Variants in HPCAL1 observed in about 807,000 individuals in gnomAD.
HPCAL1 encodes the protein hippocalcin-like protein 1.
Under a neutral mutation model 17.1 loss-of-function variants are expected in HPCAL1, and 8 were observed. The ratio of observed to expected loss-of-function variants is 0.47; its 90% CI spans 0.27 to 0.84. The LOEUF (loss-of-function observed/expected upper bound fraction) is 0.84. Ranked by LOEUF, HPCAL1 falls within the 40% of genes least tolerant of loss-of-function variation. The probability of loss-of-function intolerance (pLI) is 0.13; values close to 1 mark genes in which losing one functional copy is unlikely to be tolerated. For missense variants in HPCAL1, 165 were observed against 271.1 expected (o/e 0.61, Z 2.75); for synonymous variants, 112 against 111.4 (o/e 1.01, Z -0.03).
intron 1 of HPCAL1, among the ~76,000 whole-genome samples, chr2:10,392,767 T>C (rs935677523): frequency 1.2e-4 from 18 of 152,192 alleles, no homozygotes; most frequent in African/African-American, 4.1e-4. Flanking sequence ...AGTCCAGCCA[T>C]GCAGCCCCTG....
chr2:10,415,019 G>A (rs1670573148), intron 2 of HPCAL1, among the ~76,000 whole-genome samples: 1 of 152,244 alleles, frequency 6.6e-6, no homozygotes, highest in Non-Finnish European at 1.5e-5. Context: ...CTGAGCTGAC[G>A]AAGGGATGGG....
rs183375022 is a variant in HPCAL1 at position 10,383,432 on chromosome 2, G to A, written c.-110-13403G>A. On this transcript the variant is annotated intron_variant, in intron 1 of 4. Transcript: ENST00000307845. ...GGCTGGAGTGCAGTGGCACGATCTC[G>A]GCTCACTGCAACCTCCACCTCCCAA... Among the ~76,000 whole-genome samples the A allele has an allele frequency of 1.1e-3, 165 of 152,152 alleles. 1 individual carries two copies. Among genetic ancestry groups the A allele is most frequent in the East Asian group, 5.9e-4 (3 of 5,124 alleles).
intron 2 of HPCAL1, among the ~76,000 whole-genome samples, chr2:10,409,692 C>G (rs564615481): frequency 6.6e-6 from 1 of 151,276 alleles, no homozygotes; most frequent in Non-Finnish European, 1.5e-5. Flanking sequence ...AGAACAAGCT[C>G]TCATCTCAAA....
chr2:10,409,372 C>T (rs900667113), intron 2 of HPCAL1, among the ~76,000 whole-genome samples: 18 of 152,326 alleles, frequency 1.2e-4, no homozygotes, highest in African/African-American at 4.3e-4. Flanking sequence ...GCACCTGGGT[C>T]CTGGCAGCCG....
intron 2 of HPCAL1, among the ~76,000 whole-genome samples, chr2:10,418,078 TGATA>T (rs1381427576): frequency 1.3e-5 from 2 of 151,738 alleles, no homozygotes; most frequent in South Asian, 2.1e-4. Flanking sequence ...ATTGATTGAT[TGATA>T]TAGAGAGGAT....
intron 1 of HPCAL1, among the ~76,000 whole-genome samples, chr2:10,334,998 C>T (rs1005762928): frequency 6.6e-6 from 1 of 152,168 alleles, no homozygotes; most frequent in African/African-American, 2.4e-5. Context: ...AATAAGCCAT[C>T]GTTTCTCTAG....
Position 10,323,974 on chromosome 2 carries a change from A to C in HPCAL1, c.-111+20797A>C, listed in dbSNP as rs760743898. ...ACTTCACCATGCAAAAGCTCTTGTCATTTCAGAAAAGGAAGGAGAATTAAG... is the reference window on the plus strand; with the variant it reads ...ACTTCACCATGCAAAAGCTCTTGTCCTTTCAGAAAAGGAAGGAGAATTAAG... On this transcript the variant is annotated intron_variant, in intron 1 of 4. Transcript: ENST00000307845. This position sits in a 1 kb window ranked among gnomAD's most constrained non-coding sequence, Gnocchi z 4.6. 6.6e-6 allele frequency among the ~76,000 whole-genome samples: 1 copy of C among 152,246 alleles called. No individual in the cohort carries two copies. Among genetic ancestry groups the C allele is most frequent in the East Asian group, 1.9e-4 (1 of 5,202 alleles).
Position 10,331,944 on chromosome 2 carries a change from A to C in HPCAL1, c.-111+28767A>C, listed in dbSNP as rs1001680776. On this transcript the variant is annotated intron_variant, in intron 1 of 4. Transcript: ENST00000307845. This position sits in a 1 kb window ranked among gnomAD's most constrained non-coding sequence, Gnocchi z 5.0. ...TGTTGTCATTTATGAGCCCCGTGTCACCTGTTGTTGCTTCACAGGGAGCAC... is the reference window on the plus strand; with the variant it reads ...TGTTGTCATTTATGAGCCCCGTGTCCCCTGTTGTTGCTTCACAGGGAGCAC... 6.7e-6 allele frequency among the ~76,000 whole-genome samples: 1 copy of C among 150,232 alleles called. No homozygotes were observed. The highest frequency in any genetic ancestry group is 2.5e-5 in the African/African-American group (1 of 40,612).
rs528197341 is a variant in HPCAL1 at position 10,323,241 on chromosome 2, G to A, written c.-111+20064G>A. Among the ~76,000 whole-genome samples, 9 of 152,302 alleles carry A rather than the reference G, an allele frequency of 5.9e-5. No individual in the cohort carries two copies. Among genetic ancestry groups the A allele is most frequent in the Non-Finnish European group, 8.8e-5 (6 of 68,028 alleles). On this transcript the variant is annotated intron_variant, in intron 1 of 4. Coordinates refer to ENST00000307845, the MANE Select transcript of HPCAL1 (RefSeq NM_002149.4). The surrounding 1 kb of genome is among the most constrained non-coding windows in gnomAD (Gnocchi z 4.6). ...GTCACGGTGCTCCACGCTCTCAACC[G>A]TTGGTTGCAGGTTCCCGTCCAGCCT...
At chr2:10,314,067 G>A (rs188981361) in intron 1 of HPCAL1, among the ~76,000 whole-genome samples, 95 of 151,776 alleles carry the variant, frequency 6.3e-4, no homozygotes, top group Non-Finnish European at 3.2e-4. Flanking sequence ...GGAGGCAGAG[G>A]TTGCAATGAG....
At chr2:10,387,354 A>T (rs1333881466) in intron 1 of HPCAL1, among the ~76,000 whole-genome samples, 1 of 152,234 alleles carries the variant, frequency 6.6e-6, no homozygotes, top group Admixed American at 6.5e-5. Context: ...CCATGCGGTG[A>T]CGCACTGGGG....
chr2:10,334,695 C>CTTTTTCTTTTTCTTTT (rs1553342211), intron 1 of HPCAL1, among the ~76,000 whole-genome samples: 1 of 146,330 alleles, frequency 6.8e-6, no homozygotes, highest in African/African-American at 2.6e-5. Context: ...ATTCCATTGA[C>CTTTTTCTTTTTCTTTT]TTTTTTTTGA....
intron 1 of HPCAL1, among the ~76,000 whole-genome samples, chr2:10,340,465 C>T (rs1453653981): frequency 6.6e-6 from 1 of 151,656 alleles, no homozygotes; most frequent in Non-Finnish European, 1.5e-5. Context: ...CGTTGGATGA[C>T]TCAGAATATC....
chr2:10,311,370 G>T (rs1205237609), intron 1 of HPCAL1, among the ~76,000 whole-genome samples: 1 of 152,194 alleles, frequency 6.6e-6, no homozygotes, highest in African/African-American at 2.4e-5. Flanking sequence ...AGGTGCTAAG[G>T]CCCTGCTTGC....
Position 10,426,833 on chromosome 2 carries a change from C to A in HPCAL1, c.*12C>A. ...CCAGTCAGTTCTGAGCGAGCGGCCC[C>A]TGGACAGTTGCAGAGAAACACAGGC... On this transcript the variant is annotated 3_prime_UTR_variant, in exon 5 of 5. Coordinates refer to ENST00000307845, the MANE Select transcript of HPCAL1 (RefSeq NM_002149.4). 1 of 1,608,442 alleles carries A rather than the reference C, an allele frequency of 6.2e-7. No individual in the cohort carries two copies. The highest frequency in any genetic ancestry group is 8.5e-7 in the Non-Finnish European group (1 of 1,175,712).
rs1666038197 is a variant in HPCAL1, at chr2:10,354,845, TTAA to T, written c.-110-41988_-110-41986del. Among the ~76,000 whole-genome samples the T allele has an allele frequency of 6.6e-6, 1 of 152,262 alleles. No individual in the cohort carries two copies. Among genetic ancestry groups the T allele is most frequent in the African/African-American group, 2.4e-5 (1 of 41,472 alleles). ...CTGCGTGCTGACCTTGTGTTAGAAC[TTAA>T]TGATGCGACGTTTGCTTTGCAAACT... On this transcript the variant is annotated intron_variant, in intron 1 of 4. Transcript: ENST00000307845. The surrounding 1 kb of genome is among the most constrained non-coding windows in gnomAD (Gnocchi z 5.1).
chr2:10,386,909 T>C (rs1017640034), intron 1 of HPCAL1, among the ~76,000 whole-genome samples: 4 of 152,184 alleles, frequency 2.6e-5, no homozygotes, highest in African/African-American at 9.7e-5. Flanking sequence ...CTCTTATTGC[T>C]CTCTGGGTGA....
chr2:10,372,298 A>T (rs1474051556), intron 1 of HPCAL1, among the ~76,000 whole-genome samples: 1 of 135,002 alleles, frequency 7.4e-6, no homozygotes, highest in African/African-American at 2.5e-5. Context: ...GGGAAGCCCC[A>T]TGGGGGCCCC....
rs542404578 is a variant in HPCAL1 at position 10,312,168 on chromosome 2, C to A, written c.-111+8991C>A. 4.6e-5 allele frequency among the ~76,000 whole-genome samples: 7 copies of A among 150,702 alleles called. No individual in the cohort carries two copies. The East Asian group carries it at 1.2e-3, about 26-fold the overall frequency. On this transcript the variant is annotated intron_variant, in intron 1 of 4. Coordinates refer to ENST00000307845, the MANE Select transcript of HPCAL1 (RefSeq NM_002149.4). ...TCACCATCATCATCATCACTATCAT[C>A]CCCACCATCATCACCATCACCATCA...
Sources: gnomAD v4.1 joint callset for allele counts (sites outside exome capture counted in the v4.1 genomes callset) on GRCh38, gnomAD v4.1.1 for gene constraint, Gnocchi (gnomAD v3.1) non-coding constraint, MANE v1.5 for transcripts, NCBI Gene and HGNC (gene_info 2026-07-23, HGNC 2026-07-21) for gene names.